The following DNAI3 variants were observed in gnomAD, a reference collection of about 807,000 sequenced individuals.
DNAI3 encodes WD repeat domain 63.
A neutral mutation model predicts 115.5 loss-of-function variants in DNAI3; 83 were observed. The observed-to-expected ratio is 0.72, with a 90% CI of 0.60 to 0.86. The LOEUF (loss-of-function observed/expected upper bound fraction) is 0.86, where lower values mean the gene tolerates loss of function less well. Ranked by LOEUF, DNAI3 falls within the 40% of genes least tolerant of loss-of-function variation. DNAI3 has a pLI of 0.00. For synonymous variants in DNAI3, 320 were observed against 347.0 expected, an observed-to-expected ratio of 0.92 and a Z score of 0.86; for missense variants, 1,004 against 1,075.8, an observed-to-expected ratio of 0.93 and a Z score of 0.93.
At chr1:85,130,644 T>C (rs752314543) in intron 22 of DNAI3, among the ~76,000 whole-genome samples, 4 of 151,206 alleles carry the variant, frequency 2.6e-5, no homozygotes, top group Non-Finnish European at 5.9e-5. Flanking sequence ...ATAATTATAA[T>C]GATAGATGAT....
intron 6 of DNAI3, 60 bp downstream of exon 6, chr1:85,084,755 C>A (rs1274264089): frequency 1.5e-6 from 2 of 1,314,822 alleles, no homozygotes; most frequent in East Asian, 5.7e-5. Context: ...AACACTTATT[C>A]CTGAGGGATT....
rs200958594 is a variant in DNAI3, at chr1:85,084,550, C to G, written c.395C>G (p.Pro132Arg). 1 of 1,435,780 alleles carries G rather than the reference C, an allele frequency of 7.0e-7. No individual in the cohort carries two copies. Among genetic ancestry groups the G allele is most frequent in the Non-Finnish European group, 9.2e-7 (1 of 1,089,896 alleles). The allele number at this position is 1,435,780 out of a possible 1,614,324, so 88.9% of individuals were successfully genotyped here. A position where few individuals can be genotyped will look rare whatever the true frequency, so the allele number is the denominator to read the frequency against. ...ATGCTATTTATTTTACTTTAGCCCC[C>G]AGAAGTACCAGAAGAACAAGAAGAA... ...EEGKENYLNPPEVPEEQEEYK... is the reference protein window; with the variant it reads ...EEGKENYLNPREVPEEQEEYK... The change falls in exon 6 of 23, where the codon CCA becomes CGA. Residue 132 changes from proline (P) to arginine (R), a missense_variant. By Grantham distance (103) the Pro-to-Arg change is moderately radical. Around this residue, in one of 3 missense-constraint regions of DNAI3, gnomAD observed 550 missense variants for 568.1 expected, o/e 0.97. Coordinates refer to ENST00000294664, the MANE Select transcript of DNAI3 (RefSeq NM_145172.5).
chr1:85,092,960 C>T (rs1408809185), intron 8 of DNAI3, among the ~76,000 whole-genome samples: 1 of 152,148 alleles, frequency 6.6e-6, no homozygotes, highest in Non-Finnish European at 1.5e-5. Flanking sequence ...AAGAAAACTG[C>T]CATTTGTGAC....
chr1:85,095,827 T>C, intron 10 of DNAI3, 104 bp from the exon 11 acceptor site: 1 of 1,113,418 alleles, frequency 9.0e-7, no homozygotes, highest in Admixed American at 1.8e-5. Context: ...ACCTTGCTTA[T>C]AGATAGCTAT....
In DNAI3 at chr1:85,093,496, C is replaced by T. The variant is rs767449037; in HGVS notation, c.896C>T (p.Thr299Ile). The T allele has an allele frequency of 3.0e-5, 49 of 1,614,008 alleles. No homozygotes were observed. In the East Asian group the frequency reaches 1.1e-3, roughly 36 times the overall value. ...CTGCAGCAAAATGAAATCATGAACA[C>T]ATTTATTGATGACTGGAAATACCTC... ...IALQQNEIMN[T>I]FIDDWKYLAE... is the part of the protein sequence containing the mutation. Residue 299 changes from threonine to isoleucine, a missense_variant, in exon 9 of 23, where the codon ACA becomes ATA. Physicochemically the swap from Thr to Ile is moderately conservative, Grantham distance 89. Transcript: ENST00000294664.
chr1:85,127,350 A>T (rs1286430217), intron 20 of DNAI3, among the ~76,000 whole-genome samples: 1 of 151,910 alleles, frequency 6.6e-6, no homozygotes, highest in Non-Finnish European at 1.5e-5. Flanking sequence ...CTTTGTCTCC[A>T]TTTTTTTTCT....
At chr1:85,070,445 T>G (rs1357248487) in intron 1 of DNAI3, among the ~76,000 whole-genome samples, 1 of 152,090 alleles carries the variant, frequency 6.6e-6, no homozygotes. Context: ...CACTGCCTAT[T>G]GCGCTCTGTG....
In DNAI3 at chr1:85,085,934, C is replaced by A. The variant is rs902754971; in HGVS notation, c.644C>A (p.Ala215Asp). 6.2e-7 allele frequency: 1 copy of A among 1,614,088 alleles called. No homozygotes were observed. The highest frequency in any genetic ancestry group is 8.5e-7 in the Non-Finnish European group (1 of 1,180,004). The change falls in exon 7 of 23, where the codon GCC becomes GAC. Residue 215 changes from alanine (A) to aspartate (D), a missense_variant. Coordinates refer to ENST00000294664, the MANE Select transcript of DNAI3 (RefSeq NM_145172.5). ...SVKDAYIECTAYPDKNFTLKQ... is the reference protein window; with the variant it reads ...SVKDAYIECTDYPDKNFTLKQ... The stretch of plus-strand genomic sequence containing the variant: ...AAAGATGCCTATATTGAATGTACAG[C>A]CTACCCAGATAAAAATTTTACCCTT...
At position 85,133,024 on chromosome 1, in the gene DNAI3, G is replaced by A. The variant is rs1480877662; in HGVS notation, c.*26G>A. The A allele has an allele frequency of 1.2e-6, 2 of 1,602,362 alleles. No homozygotes were observed. The highest frequency in any genetic ancestry group is 8.5e-7 in the Non-Finnish European group (1 of 1,176,510). The stretch of plus-strand genomic sequence containing the variant: ...AAAAGCTTCCTGAAGGGGTGTTTTG[G>A]GGACTTCTTCCCTCTATTTATTTTT... On this transcript the variant is annotated 3_prime_UTR_variant, in exon 23 of 23. Coordinates refer to ENST00000294664, the MANE Select transcript of DNAI3 (RefSeq NM_145172.5).
chr1:85,084,702 G>T lies in DNAI3; in HGVS notation c.540+7G>T. 1 of 1,489,474 alleles carries T rather than the reference G, an allele frequency of 6.7e-7. No homozygotes were observed. Among genetic ancestry groups the T allele is most frequent in the Non-Finnish European group, 8.9e-7 (1 of 1,118,390 alleles). 92.3% of individuals were successfully genotyped at this position (1,489,474 alleles called of 1,614,324 possible). Reference sequence around the variant, plus strand: ...TACGGAATCTACAAAGCAGGTTAGAGGGTTATATATGATCTGTAATCATTA... The same window carrying T: ...TACGGAATCTACAAAGCAGGTTAGATGGTTATATATGATCTGTAATCATTA... On this transcript the variant is annotated splice_region_variant and intron_variant, in intron 6 of 22. Transcript: ENST00000294664.
chr1:85,131,373 G>C (rs542019368), intron 22 of DNAI3, among the ~76,000 whole-genome samples: 4 of 149,856 alleles, frequency 2.7e-5, no homozygotes, highest in Non-Finnish European at 5.9e-5. Flanking sequence ...GAACCTGGGA[G>C]GCGGAGGTTA....
intron 19 of DNAI3, among the ~76,000 whole-genome samples, chr1:85,125,427 T>C (rs376476689): frequency 2.0e-5 from 3 of 152,106 alleles, no homozygotes; most frequent in East Asian, 3.9e-4. Context: ...CTCTAACATA[T>C]ACAAATACTC....
At chr1:85,066,344 A>C (rs1310644306) in intron 1 of DNAI3, among the ~76,000 whole-genome samples, 1 of 30,986 alleles carries the variant, frequency 3.2e-5, no homozygotes, top group Non-Finnish European at 6.1e-5. Flanking sequence ...TTTTTTTGAG[A>C]TGGAGTCTTG....
Position 85,117,802 on chromosome 1 carries a change from G to A in DNAI3, c.1860G>A (p.Met620Ile). The A allele has an allele frequency of 6.2e-7, 1 of 1,613,908 alleles. No individual in the cohort carries two copies. The highest frequency in any genetic ancestry group is 8.5e-7 in the Non-Finnish European group (1 of 1,179,838). Reference protein sequence around the residue: ...MNPYHNLESGMANLLKPIDDF... With the variant: ...MNPYHNLESGIANLLKPIDDF... Reference sequence around the variant, plus strand: ...CGTATCATAATCTGGAAAGTGGGATGGCCAATCTTCTCAAGCCAATAGATG... The same window carrying A: ...CGTATCATAATCTGGAAAGTGGGATAGCCAATCTTCTCAAGCCAATAGATG... The change falls in exon 17 of 23, where the codon ATG becomes ATA. Residue 620 changes from methionine (M) to isoleucine (I), a missense_variant. Physicochemically the swap from Met to Ile is conservative, Grantham distance 10. This residue lies in a region of DNAI3 where 429 missense variants were observed against 454.3 expected (regional missense o/e 0.94). Coordinates refer to ENST00000294664, the MANE Select transcript of DNAI3 (RefSeq NM_145172.5).
rs753108671 is a variant in DNAI3 at position 85,110,185 on chromosome 1, C to T, written c.1786+50C>T. On this transcript the variant is annotated intron_variant, in intron 16 of 22. Coordinates refer to ENST00000294664, the MANE Select transcript of DNAI3 (RefSeq NM_145172.5). The stretch of plus-strand genomic sequence containing the variant: ...AAAAAAAAAAGGCCGGGCGCGGTGG[C>T]TCACGCCTGTAATCCCAGCACTTCG... 4 of 1,535,020 alleles carry T rather than the reference C, an allele frequency of 2.6e-6. No homozygotes were observed. In the South Asian group the frequency reaches 4.5e-5, roughly 17 times the overall value.
chr1:85,105,381 T>C (rs1655453141), intron 14 of DNAI3, among the ~76,000 whole-genome samples: 1 of 152,082 alleles, frequency 6.6e-6, no homozygotes, highest in African/African-American at 2.4e-5. Context: ...GTATTGGATA[T>C]TTATGCCAAT....
chr1:85,074,534 C>G (rs1034950431), intron 3 of DNAI3, among the ~76,000 whole-genome samples: 3 of 152,188 alleles, frequency 2.0e-5, no homozygotes, highest in African/African-American at 7.2e-5. Context: ...GCAACTTTCT[C>G]TTTCTTATCA....
At chr1:85,073,844 G>A (rs899245182) in intron 3 of DNAI3, among the ~76,000 whole-genome samples, 1 of 152,158 alleles carries the variant, frequency 6.6e-6, no homozygotes, top group African/African-American at 2.4e-5. Context: ...GACTAGTTAG[G>A]AAGTTTTTCC....
At chr1:85,067,713 CAAA>C (rs1241338508) in intron 1 of DNAI3, among the ~76,000 whole-genome samples, 2 of 152,094 alleles carry the variant, frequency 1.3e-5, no homozygotes, top group Admixed American at 6.5e-5. Flanking sequence ...AAGTGAAAGA[CAAA>C]GAAGAGGTTA....
Sources: gnomAD v4.1 joint callset for allele counts (sites outside exome capture counted in the v4.1 genomes callset) on GRCh38, gnomAD v4.1.1 for gene constraint, gnomAD v4.1.1 regional missense constraint, MANE v1.5 for transcripts, NCBI Gene and HGNC (gene_info 2026-07-23, HGNC 2026-07-21) for gene names.